The following RIC3 variants were observed in gnomAD, a reference collection of about 807,000 sequenced individuals.
The protein encoded by RIC3 is protein RIC-3.
A neutral mutation model predicts 27.3 loss-of-function variants in RIC3; 28 were observed. That is an observed-to-expected ratio of 1.02 (90% confidence interval 0.76 to 1.41). RIC3 has a LOEUF of 1.41. Among genes scored for constraint, RIC3 ranks in the 40% most tolerant of loss-of-function variants. The pLI is 0.00. For missense variants in RIC3, 501 were observed against 444.7 expected (o/e 1.13, Z -1.14); for synonymous variants, 184 against 160.4 (o/e 1.15, Z -1.11).
rs551635971 is a variant in RIC3 at position 8,145,769 on chromosome 11, G to C, written c.125-5576C>G. ...CTCAAATGGCCAAATAAACAGGCAT[G>C]TATGAAAAACCACCAGGAGATAACA... On this transcript the variant is annotated intron_variant, in intron 1 of 5. Coordinates refer to ENST00000309737, the MANE Select transcript of RIC3 (RefSeq NM_001206671.4). Among the ~76,000 whole-genome samples, 101 of 152,132 alleles carry C rather than the reference G, an allele frequency of 6.6e-4. 2 individuals carry two copies. In the South Asian group the frequency reaches 0.02, roughly 30 times the overall value.
chr11:8,125,828 C>T (rs547736110), intron 5 of RIC3, among the ~76,000 whole-genome samples: 1 of 152,254 alleles, frequency 6.6e-6, no homozygotes, highest in East Asian at 1.9e-4. Context: ...CACTTGAGGT[C>T]AGGAGTTTGA....
At chr11:8,165,644 C>A (rs926843073) in intron 1 of RIC3, among the ~76,000 whole-genome samples, 2 of 150,308 alleles carry the variant, frequency 1.3e-5, no homozygotes, top group Non-Finnish European at 2.9e-5. Context: ...ATGCTGAAAC[C>A]CAATAAATTG....
At chr11:8,104,789 G>C (rs574293152), downstream of RIC3, 5 of 152,294 alleles carry the variant, frequency 3.3e-5, no homozygotes, top group African/African-American at 1.2e-4. Flanking sequence ...CACTAGTTCA[G>C]AGGAAGCACA....
the RIC3 span, chr11:8,100,745 C>T: frequency 2.0e-5 from 31 of 1,583,460 alleles, no homozygotes; most frequent in East Asian, 6.7e-5. Context: ...CCAAGGACCC[C>T]CATTCCCGGG....
At chr11:8,100,592 C>G in the RIC3 span, 1 of 1,613,868 alleles carries the variant, frequency 6.2e-7, no homozygotes, top group Non-Finnish European at 8.5e-7. Context: ...TCTCTATCCG[C>G]CCCCGCAACG....
chr11:8,153,258 CA>C, intron 1 of RIC3: 1 of 327,428 alleles, frequency 3.1e-6, no homozygotes, highest in Non-Finnish European at 5.9e-6. Context: ...GAGCACTTAA[CA>C]ATGTGACAGA....
chr11:8,133,567 C>T (rs1033259203), intron 4 of RIC3, among the ~76,000 whole-genome samples: 5 of 152,198 alleles, frequency 3.3e-5, no homozygotes, highest in Admixed American at 2.6e-4. Flanking sequence ...AAGTATTACA[C>T]AACCTTTGCC....
intron 1 of RIC3, among the ~76,000 whole-genome samples, chr11:8,142,088 T>G (rs1361752499): frequency 6.8e-6 from 1 of 147,944 alleles, no homozygotes; most frequent in South Asian, 2.2e-4. Context: ...AGATCCAAAA[T>G]TGACACCCTA....
Position 8,106,648 on chromosome 11 carries a change from C to T in RIC3, c.*4050G>A, listed in dbSNP as rs1303367276. 1.3e-5 allele frequency: 2 copies of T among 151,322 alleles called. No individual in the cohort carries two copies. The highest frequency in any genetic ancestry group is 4.9e-5 in the African/African-American group (2 of 40,996). The allele number at this position is 151,322 out of a possible 1,614,324, so 9.4% of individuals were successfully genotyped here. A position where few individuals can be genotyped will look rare whatever the true frequency, so the allele number is the denominator to read the frequency against. ...CTTGATGTCTCAGGGCTTGCTTGGA[C>T]CCTAACCCATTTAAACAGGACCTCG... On this transcript the variant is annotated 3_prime_UTR_variant, in exon 6 of 6. Transcript: ENST00000309737.
intron 1 of RIC3, among the ~76,000 whole-genome samples, chr11:8,168,475 G>C (rs963313981): frequency 1.3e-5 from 2 of 152,176 alleles, no homozygotes; most frequent in African/African-American, 4.8e-5. Flanking sequence ...CGGCGCGTCA[G>C]AAAGTACACG....
the RIC3 span, chr11:8,100,407 T>TG: frequency 1.1e-6 from 1 of 930,910 alleles, no homozygotes; most frequent in Non-Finnish European, 1.7e-6. Flanking sequence ...GTGGAGATGG[T>TG]GGGAACTAGC....
At chr11:8,163,736 T>C (rs1951410232) in intron 1 of RIC3, among the ~76,000 whole-genome samples, 1 of 151,472 alleles carries the variant, frequency 6.6e-6, no homozygotes, top group South Asian at 2.1e-4. Flanking sequence ...GTTCATAGAT[T>C]GAAAGATTTA....
downstream of RIC3, chr11:8,105,404 G>A (rs151062750): frequency 1.3e-5 from 2 of 152,358 alleles, no homozygotes; most frequent in Admixed American, 6.5e-5. Flanking sequence ...CCAAGGGCTA[G>A]GCTCTTGTTT....
chr11:8,100,367 G>C, the RIC3 span: 1 of 705,400 alleles, frequency 1.4e-6, no homozygotes, highest in Admixed American at 2.1e-5. Flanking sequence ...GGCCGTGTTA[G>C]GTTTAGAGGG....
chr11:8,140,371 C>G (rs1357131181), intron 1 of RIC3, among the ~76,000 whole-genome samples, 178 bp from the exon 2 acceptor site: 2 of 152,164 alleles, frequency 1.3e-5, no homozygotes, highest in East Asian at 3.9e-4. Flanking sequence ...GTGATCATCT[C>G]TAGCTGTTCA....
At chr11:8,105,242 A>G (rs374567013), downstream of RIC3, 2 of 152,342 alleles carry the variant, frequency 1.3e-5, no homozygotes, top group East Asian at 3.9e-4. Context: ...CAGGATGCCA[A>G]GTGGCCCTCA....
intron 1 of RIC3, among the ~76,000 whole-genome samples, chr11:8,162,816 T>A (rs1341673466): frequency 6.6e-6 from 1 of 151,622 alleles, no homozygotes; most frequent in African/African-American, 2.4e-5. Context: ...GGGCTAATTT[T>A]TATATTTTTA....
At chr11:8,140,718 G>C (rs1590243491) in intron 1 of RIC3, among the ~76,000 whole-genome samples, 1 of 152,290 alleles carries the variant, frequency 6.6e-6, no homozygotes, top group East Asian at 1.9e-4. Context: ...CTGTAAGAGT[G>C]AGAAATCAAC....
downstream of RIC3, chr11:8,101,483 C>T: frequency 6.2e-7 from 1 of 1,614,204 alleles, no homozygotes; most frequent in Non-Finnish European, 8.5e-7. Context: ...TGCTTGGCCC[C>T]AGCGGACTAC....
Sources: allele counts gnomAD v4.1 joint callset (sites outside exome capture counted in the v4.1 genomes callset), GRCh38; gene constraint gnomAD v4.1.1; transcripts MANE v1.5; gene names NCBI Gene and HGNC (gene_info 2026-07-23, HGNC 2026-07-21).